HMCN1: variants seen among roughly 807,000 people sequenced by gnomAD.
HMCN1 encodes hemicentin-1.
Under a neutral mutation model 625.9 loss-of-function variants are expected in HMCN1, and 321 were observed. The observed-to-expected ratio is 0.51, with a 90% CI of 0.47 to 0.56. The LOEUF (loss-of-function observed/expected upper bound fraction) is 0.56, where lower values mean the gene tolerates loss of function less well. HMCN1 is among the 20% of genes least tolerant of loss of function. The pLI is 0.00. For synonymous variants in HMCN1, 2,425 were observed against 2,417.6 expected (o/e 1.00, Z -0.09); for missense variants, 6,588 against 6,887.3 (o/e 0.96, Z 1.54).
intron 4 of HMCN1, among the ~76,000 whole-genome samples, chr1:185,883,341 A>G (rs1271304333): frequency 6.6e-6 from 1 of 152,096 alleles, no homozygotes; most frequent in African/African-American, 2.4e-5. Context: ...ATGCTTATGT[A>G]TTCCACTACA....
rs965780585 is a variant in HMCN1, at chr1:185,923,306, T to A, written c.1022-84T>A. On this transcript the variant is annotated intron_variant, in intron 7 of 106. Transcript: ENST00000271588. ...TGTAGGCATCCTTATGGTACTCATA[T>A]ATTATTATCATGCAAATACTTATTT... The A allele has an allele frequency of 9.4e-6, 10 of 1,061,868 alleles. No homozygotes were observed. The African/African-American group carries it at 1.1e-4, about 12-fold the overall frequency. The allele number at this position is 1,061,868 out of a possible 1,614,324, so 65.8% of individuals were successfully genotyped here. A position where few individuals can be genotyped will look rare whatever the true frequency, so the allele number is the denominator to read the frequency against.
At chr1:185,826,243 G>A (rs938495296) in intron 1 of HMCN1, among the ~76,000 whole-genome samples, 2 of 152,144 alleles carry the variant, frequency 1.3e-5, no homozygotes, top group African/African-American at 2.4e-5. Context: ...AAAGAATTTA[G>A]GATAGAATGT....
chr1:185,878,316 T>G (rs1031229804), intron 4 of HMCN1, among the ~76,000 whole-genome samples: 1 of 152,198 alleles, frequency 6.6e-6, no homozygotes, highest in Non-Finnish European at 1.5e-5. Flanking sequence ...CTTATCTTGT[T>G]CCAGTTCTTA....
intron 1 of HMCN1, among the ~76,000 whole-genome samples, chr1:185,791,057 A>G (rs1386678887): frequency 6.6e-6 from 1 of 152,072 alleles, no homozygotes; most frequent in Admixed American, 6.6e-5. Flanking sequence ...TGTACCTAAA[A>G]ATTTCCTACT....
intron 30 of HMCN1, among the ~76,000 whole-genome samples, chr1:186,013,109 A>T (rs1475503105): frequency 6.6e-6 from 1 of 152,182 alleles, no homozygotes; most frequent in East Asian, 1.9e-4. Flanking sequence ...GAACAGAGGT[A>T]GCAGCAATGA....
intron 11 of HMCN1, among the ~76,000 whole-genome samples, chr1:185,951,200 G>A (rs1441339955): frequency 1.7e-4 from 25 of 150,454 alleles, no homozygotes; most frequent in Admixed American, 4.6e-4. Flanking sequence ...GAAGAAGGGC[G>A]GCAATGAGAT....
At chr1:186,068,818 G>A (rs1207593675) in intron 50 of HMCN1, among the ~76,000 whole-genome samples, 6 of 142,046 alleles carry the variant, frequency 4.2e-5, no homozygotes, top group Admixed American at 1.5e-4. Context: ...GCAGTAAGCC[G>A]AGATCGTGCC....
chr1:185,779,244 T>C (rs1414380732), intron 1 of HMCN1, among the ~76,000 whole-genome samples: 2 of 152,344 alleles, frequency 1.3e-5, no homozygotes, highest in African/African-American at 4.8e-5. Context: ...TTCTGGATAT[T>C]AGCCCTTTGT....
chr1:185,776,121 A>T (rs1367087987), intron 1 of HMCN1, among the ~76,000 whole-genome samples: 1 of 151,978 alleles, frequency 6.6e-6, no homozygotes, highest in Non-Finnish European at 1.5e-5. Flanking sequence ...TTATTTATTG[A>T]TATTTCCTAT....
chr1:185,800,615 A>G (rs7514772), intron 1 of HMCN1, among the ~76,000 whole-genome samples: 5,434 of 152,254 alleles, frequency 0.036, 340 homozygotes, highest in African/African-American at 0.12. Context: ...ATTATAAATA[A>G]TTATAAATGG....
chr1:185,852,577 T>TACAC lies in HMCN1; in HGVS notation c.339+6526_339+6529dup, dbSNP rs67719442. Among the ~76,000 whole-genome samples, 558 of 135,588 alleles carry TACAC rather than the reference T, an allele frequency of 4.1e-3. 3 individuals are homozygous for TACAC. The highest frequency in any genetic ancestry group is 0.014 in the East Asian group (65 of 4,570). 89.0% of individuals were successfully genotyped at this position (135,588 alleles called of 152,430 possible). A position where few individuals can be genotyped will look rare whatever the true frequency, so the allele number is the denominator to read the frequency against. ...AATATGCATTTGCTTACAAATATCC[T>TACAC]ACACACACACACACACACACACACA... On this transcript the variant is annotated intron_variant, in intron 2 of 106. Coordinates refer to ENST00000271588, the MANE Select transcript of HMCN1 (RefSeq NM_031935.3).
intron 30 of HMCN1, 31 bp from the exon 31 acceptor site, chr1:186,015,128 T>A: frequency 6.2e-7 from 1 of 1,602,496 alleles, no homozygotes; most frequent in Non-Finnish European, 8.5e-7. Flanking sequence ...GAAACTTAGA[T>A]GACTTGTTTT....
At chr1:185,884,398 T>G (rs1664506252) in intron 4 of HMCN1, among the ~76,000 whole-genome samples, 1 of 151,990 alleles carries the variant, frequency 6.6e-6, no homozygotes, top group Non-Finnish European at 1.5e-5. Context: ...CATAGCTCCC[T>G]TTTATCTATA....
chr1:186,019,676 C>A lies in HMCN1; in HGVS notation c.5606C>A (p.Thr1869Asn). ...TWLKDDQPVN[T>N]AQGNLKIQSS... is the part of the protein sequence containing the mutation. Reference sequence around the variant, plus strand: ...TTAAAAGATGACCAGCCTGTGAACACTGCCCAAGGAAACCTTAAAGTAAGT... The same window carrying A: ...TTAAAAGATGACCAGCCTGTGAACAATGCCCAAGGAAACCTTAAAGTAAGT... The change falls in exon 35 of 107, where the codon ACT becomes AAT. Residue 1869 changes from threonine (T) to asparagine (N), a missense_variant. Thr to Asn is a moderately conservative substitution (Grantham distance 65, BLOSUM62 0). Coordinates refer to ENST00000271588, the MANE Select transcript of HMCN1 (RefSeq NM_031935.3). 8 of 1,612,136 alleles carry A rather than the reference C, an allele frequency of 5.0e-6. No homozygotes were observed. The highest frequency in any genetic ancestry group is 6.8e-6 in the Non-Finnish European group (8 of 1,178,560).
intron 87 of HMCN1, among the ~76,000 whole-genome samples, 173 bp from the exon 88 acceptor site, chr1:186,137,325 C>T (rs1032129261): frequency 1.3e-5 from 2 of 152,230 alleles, no homozygotes; most frequent in African/African-American, 4.8e-5. Context: ...CTTTGGCTAA[C>T]TGAAGTTCTT....
chr1:185,762,036 A>G (rs1334743888), intron 1 of HMCN1, among the ~76,000 whole-genome samples: 2 of 152,156 alleles, frequency 1.3e-5, no homozygotes, highest in African/African-American at 4.8e-5. Context: ...CAGCTTTACC[A>G]GTTCAGGAAG....
intron 1 of HMCN1, among the ~76,000 whole-genome samples, chr1:185,735,432 T>C (rs1653492581): frequency 6.6e-6 from 1 of 152,206 alleles, no homozygotes. Flanking sequence ...CTCTAGGGGC[T>C]AACATCCAGA....
chr1:186,162,914 G>A (rs961355304), intron 97 of HMCN1, among the ~76,000 whole-genome samples: 6 of 152,168 alleles, frequency 3.9e-5, no homozygotes, highest in Non-Finnish European at 5.9e-5. Context: ...GCTGCGTGCT[G>A]GGAGAACCAC....
intron 36 of HMCN1, among the ~76,000 whole-genome samples, chr1:186,027,148 C>T (rs1655110943): frequency 6.6e-6 from 1 of 152,178 alleles, no homozygotes; most frequent in South Asian, 2.1e-4. Flanking sequence ...GGTGCCTGGT[C>T]TCCTGGACTA....
Sources: gnomAD v4.1 joint callset for allele counts (sites outside exome capture counted in the v4.1 genomes callset) on GRCh38, gnomAD v4.1.1 for gene constraint, MANE v1.5 for transcripts, NCBI Gene and HGNC (gene_info 2026-07-23, HGNC 2026-07-21) for gene names.